Variants in FRMPD4 observed in about 807,000 individuals in gnomAD.
FRMPD4 encodes the protein FERM and PDZ domain-containing protein 4.
In FRMPD4, 22 loss-of-function variants were observed where a neutral mutation model predicts 94.1. The ratio of observed to expected loss-of-function variants is 0.23; its 90% CI spans 0.17 to 0.33. The LOEUF is 0.33. FRMPD4 is among the 10% of genes least tolerant of loss of function. FRMPD4 has a pLI of 1.00. For synonymous variants in FRMPD4, 631 were observed against 548.6 expected, an observed-to-expected ratio of 1.15 and a Z score of -2.10; for missense variants, 1,111 against 1,339.9, an observed-to-expected ratio of 0.83 and a Z score of 2.67.
chrX:12,427,897 CTTTTTTTTTTT>C (rs139267482), intron 1 of FRMPD4, among the ~76,000 whole-genome samples: 10 of 54,756 alleles, frequency 1.8e-4, no homozygotes, highest in South Asian at 1.3e-3. Context: ...CCTTTTTTCT[CTTTTTTTTTTT>C]TTTTTTTTTT....
At chrX:11,987,320 C>T (rs1443176656) in intron 3 of FRMPD4, among the ~76,000 whole-genome samples, 1 of 110,426 alleles carries the variant, frequency 9.1e-6, no homozygotes, top group Non-Finnish European at 1.9e-5. Flanking sequence ...GGACAAAAAG[C>T]ATATGATTAG....
At chrX:12,262,916 T>C (rs1361229528) in intron 1 of FRMPD4, among the ~76,000 whole-genome samples, 2 of 111,762 alleles carry the variant, frequency 1.8e-5, no homozygotes, top group Non-Finnish European at 3.8e-5. Context: ...TCACTGGGCA[T>C]GTGGGTCCTT....
At chrX:11,929,638 CA>C (rs2054109888) in intron 3 of FRMPD4, among the ~76,000 whole-genome samples, 1 of 112,239 alleles carries the variant, frequency 8.9e-6, no homozygotes, top group Non-Finnish European at 1.9e-5. Context: ...AGCATTTGGC[CA>C]TGCCCCGGAC....
At chrX:12,234,738 G>A (rs1009951046) in intron 1 of FRMPD4, among the ~76,000 whole-genome samples, 5 of 112,327 alleles carry the variant, frequency 4.5e-5, no homozygotes, top group African/African-American at 1.6e-4. Flanking sequence ...GGGACTGGGT[G>A]TTAGAAGATC....
At chrX:12,653,627 C>T (rs2059619663) in intron 4 of FRMPD4, among the ~76,000 whole-genome samples, 1 of 110,690 alleles carries the variant, frequency 9.0e-6, no homozygotes, top group Non-Finnish European at 1.9e-5. Context: ...ATCAATCAAT[C>T]TGCAACCTTA....
chrX:12,514,461 G>A (rs1487537676), intron 2 of FRMPD4, among the ~76,000 whole-genome samples: 4 of 109,544 alleles, frequency 3.7e-5, no homozygotes, highest in Admixed American at 9.6e-5. Flanking sequence ...CCTTTTCCAC[G>A]TCTATTATCA....
chrX:12,654,872 G>C (rs778817444), intron 4 of FRMPD4, among the ~76,000 whole-genome samples: 3 of 112,277 alleles, frequency 2.7e-5, no homozygotes, highest in African/African-American at 6.5e-5. Context: ...ACAGGCTTTG[G>C]AGTCAGAAAA....
chrX:11,988,799 T>C lies in FRMPD4; in HGVS notation c.95+110781T>C, dbSNP rs751918273. ...CAATTTTAAAAATGGGCAAAAGATC[T>C]GAATAGACATTTCTCAAAAGAAGAC... is the stretch of plus-strand genomic sequence containing the variant. On this transcript the variant is annotated intron_variant, in intron 3 of 18. Transcript: ENST00000640291. Among the ~76,000 whole-genome samples the C allele has an allele frequency of 4.5e-5, 5 of 111,866 alleles. No homozygotes were observed. In the South Asian group the frequency reaches 1.9e-3, roughly 42 times the overall value.
intron 3 of FRMPD4, among the ~76,000 whole-genome samples, chrX:11,881,759 T>C (rs753949261): frequency 8.9e-6 from 1 of 111,912 alleles, no homozygotes; most frequent in African/African-American, 3.2e-5. Context: ...TCCTCCAAAG[T>C]CCATTTTATT....
At chrX:12,061,258 G>A (rs1361209949) in intron 3 of FRMPD4, among the ~76,000 whole-genome samples, 18 of 111,776 alleles carry the variant, frequency 1.6e-4, no homozygotes, top group African/African-American at 5.9e-4. Context: ...TTGGGTGAGT[G>A]AGTCTCTAGT....
chrX:12,711,190 A>C (rs997073656), intron 14 of FRMPD4, among the ~76,000 whole-genome samples: 4 of 111,611 alleles, frequency 3.6e-5, no homozygotes, highest in Non-Finnish European at 7.5e-5. Context: ...GGAATGCCCG[A>C]ACACGAGTTG....
intron 1 of FRMPD4, among the ~76,000 whole-genome samples, chrX:12,434,476 C>T (rs1237565626): frequency 8.9e-6 from 1 of 112,139 alleles, no homozygotes. Flanking sequence ...CAGAAAACAT[C>T]AAAGGAAGGA....
chrX:12,280,478 G>A (rs2054507334), intron 1 of FRMPD4, among the ~76,000 whole-genome samples: 1 of 109,487 alleles, frequency 9.1e-6, no homozygotes, highest in Non-Finnish European at 1.9e-5. Context: ...CCATTCCTGG[G>A]CAGCCCAGGC....
chrX:12,475,056 A>C (rs1210760508), intron 1 of FRMPD4, among the ~76,000 whole-genome samples: 1 of 111,957 alleles, frequency 8.9e-6, no homozygotes, highest in Non-Finnish European at 1.9e-5. Context: ...TGATGCAAAA[A>C]TCCTCAATAA....
rs1162662171 is a variant in FRMPD4 at position 11,966,244 on chromosome X, G to A, written c.95+88226G>A. ...CCCTATTGTGGTTATATTAAGGGAT[G>A]GGGCTTTTGGGGAGGTGATTAGGTC... On this transcript the variant is annotated intron_variant, in intron 3 of 18. Transcript: ENST00000640291. 8.1e-5 allele frequency among the ~76,000 whole-genome samples: 9 copies of A among 111,197 alleles called. No homozygotes were observed. In the Admixed American group the frequency reaches 8.6e-4, roughly 11 times the overall value.
intron 9 of FRMPD4, among the ~76,000 whole-genome samples, chrX:12,699,021 T>C (rs935749806): frequency 8.9e-6 from 1 of 112,225 alleles, no homozygotes; most frequent in Admixed American, 9.4e-5. Context: ...TGTCTCTAAA[T>C]TCTATGCCCA....
At chrX:12,372,030 C>G (rs767014051) in intron 1 of FRMPD4, among the ~76,000 whole-genome samples, 1 of 112,342 alleles carries the variant, frequency 8.9e-6, no homozygotes, top group African/African-American at 3.2e-5. Flanking sequence ...TCAAGCAACT[C>G]TAAATGTGAA....
rs1421463434 is a variant in FRMPD4 at position 12,274,453 on chromosome X, G to A, written c.41+135441G>A. ...TCATTCTTAACTTCTGTGAAAAAGA[G>A]ATAGTGCTTATGGAACAATAAAGCA... On this transcript the variant is annotated intron_variant, in intron 1 of 16. Coordinates refer to ENST00000675598, the MANE Select transcript of FRMPD4 (RefSeq NM_001368397.1). 5.3e-5 allele frequency among the ~76,000 whole-genome samples: 6 copies of A among 112,433 alleles called. No homozygotes were observed. The Admixed American group carries it at 5.6e-4, about 11-fold the overall frequency.
chrX:12,204,607 G>A (rs1202320639), intron 1 of FRMPD4, among the ~76,000 whole-genome samples: 2 of 111,059 alleles, frequency 1.8e-5, no homozygotes, highest in South Asian at 3.8e-4. Context: ...CCCATATCCT[G>A]AGAGCAGCCT....
Sources: allele counts gnomAD v4.1 joint callset (sites outside exome capture counted in the v4.1 genomes callset), GRCh38; gene constraint gnomAD v4.1.1; transcripts MANE v1.5; gene names NCBI Gene and HGNC (gene_info 2026-07-23, HGNC 2026-07-21).